The following NRSN1 variants were observed in gnomAD, a reference collection of about 807,000 sequenced individuals.
NRSN1 encodes the protein neurensin-1.
A neutral mutation model predicts 17.3 loss-of-function variants in NRSN1; 14 were observed. The ratio of observed to expected loss-of-function variants is 0.81; its 90% CI spans 0.54 to 1.27. The LOEUF is 1.27. Among genes scored for constraint, NRSN1 ranks in the 50% most tolerant of loss-of-function variants. The probability of loss-of-function intolerance (pLI) is 0.00; values close to 1 mark genes in which losing one functional copy is unlikely to be tolerated. For missense variants in NRSN1, 209 were observed against 235.9 expected, an observed-to-expected ratio of 0.89 and a Z score of 0.75; for synonymous variants, 79 against 94.2, an observed-to-expected ratio of 0.84 and a Z score of 0.93.
chr6:24,133,085 T>C (rs1237092933), intron 2 of NRSN1, among the ~76,000 whole-genome samples: 1 of 152,180 alleles, frequency 6.6e-6, no homozygotes, highest in Non-Finnish European at 1.5e-5. Flanking sequence ...TCCATATAAA[T>C]GCCTCTCTCT....
chr6:24,135,769 T>C (rs1760110056), intron 3 of NRSN1, among the ~76,000 whole-genome samples: 1 of 152,166 alleles, frequency 6.6e-6, no homozygotes, highest in African/African-American at 2.4e-5. Context: ...TACAAGGCAC[T>C]AGACTTCTGA....
At position 24,134,352 on chromosome 6, in the gene NRSN1, G is replaced by C; in HGVS notation, c.25G>C (p.Gly9Arg). 6.2e-7 allele frequency: 1 copy of C among 1,614,004 alleles called. No individual in the cohort carries two copies. The highest frequency in any genetic ancestry group is 2.2e-5 in the East Asian group (1 of 44,872). MSSCSNVC[G>R]SRQAQAAAEG... is the part of the protein sequence containing the mutation. ...GATGAGTTCTTGCAGCAACGTCTGTGGGTCCAGGCAGGCACAGGCTGCAGC... is the reference window on the plus strand; with the variant it reads ...GATGAGTTCTTGCAGCAACGTCTGTCGGTCCAGGCAGGCACAGGCTGCAGC... The change falls in exon 3 of 4, where the codon GGG (glycine) becomes CGG (arginine). Residue 9 changes from glycine (G) to arginine (R), a missense_variant. Gly to Arg is a moderately radical substitution (Grantham distance 125). Transcript: ENST00000378491.
At chr6:24,129,906 A>T (rs1390477484) in intron 2 of NRSN1, among the ~76,000 whole-genome samples, 1 of 152,198 alleles carries the variant, frequency 6.6e-6, no homozygotes, top group African/African-American at 2.4e-5. Flanking sequence ...CTTGTGCCCA[A>T]TCATCATGGC....
At chr6:24,139,929 AG>A (rs986359586) in intron 3 of NRSN1, among the ~76,000 whole-genome samples, 5 of 152,274 alleles carry the variant, frequency 3.3e-5, no homozygotes, top group African/African-American at 1.2e-4. Context: ...TCTCTAAAAA[AG>A]GTGGGAAGGG....
At chr6:24,137,456 T>C (rs1760133423) in intron 3 of NRSN1, among the ~76,000 whole-genome samples, 2 of 152,156 alleles carry the variant, frequency 1.3e-5, no homozygotes, top group African/African-American at 4.8e-5. Flanking sequence ...CTGAATAAGA[T>C]ATAGCCCTTG....
intron 3 of NRSN1, among the ~76,000 whole-genome samples, chr6:24,134,820 G>A (rs892216081): frequency 7.2e-5 from 11 of 152,058 alleles, no homozygotes; most frequent in Admixed American, 5.2e-4. Flanking sequence ...CCATCCATAG[G>A]CAAAACATTA....
chr6:24,132,312 A>G (rs776598415), intron 2 of NRSN1, among the ~76,000 whole-genome samples: 8 of 152,192 alleles, frequency 5.3e-5, no homozygotes, highest in Non-Finnish European at 1.2e-4. Context: ...CAATCAAACT[A>G]ACTGGCCACA....
intron 3 of NRSN1, among the ~76,000 whole-genome samples, chr6:24,138,552 G>T (rs768894405): frequency 1.3e-5 from 2 of 152,208 alleles, no homozygotes; most frequent in East Asian, 3.9e-4. Flanking sequence ...TCAGAAACCT[G>T]TACCAGCCTA....
rs550509352 is a variant in NRSN1 at position 24,143,256 on chromosome 6, C to T, written c.190-2292C>T. On this transcript the variant is annotated intron_variant, in intron 3 of 3. Coordinates refer to ENST00000378491, the MANE Select transcript of NRSN1 (RefSeq NM_080723.5). ...AGATGATCCACCCACCTTGGCCTCC[C>T]AAAGTGCTAAGATTACAGGCATGAG... Among the ~76,000 whole-genome samples the T allele has an allele frequency of 1.4e-4, 21 of 152,304 alleles. No homozygotes were observed. In the South Asian group the frequency reaches 4.4e-3, roughly 32 times the overall value.
intron 2 of NRSN1, among the ~76,000 whole-genome samples, chr6:24,132,566 C>G (rs1409052912): frequency 1.3e-5 from 2 of 152,142 alleles, no homozygotes; most frequent in Non-Finnish European, 2.9e-5. Flanking sequence ...TGGAAGAAGT[C>G]TGATTTATTT....
intron 3 of NRSN1, among the ~76,000 whole-genome samples, chr6:24,142,527 C>T (rs188027390): frequency 4.6e-5 from 7 of 152,094 alleles, no homozygotes; most frequent in Non-Finnish European, 8.8e-5. Flanking sequence ...AATGTGATCT[C>T]GGCTCACTGC....
At chr6:24,132,494 C>T (rs1167857581) in intron 2 of NRSN1, among the ~76,000 whole-genome samples, 1 of 152,264 alleles carries the variant, frequency 6.6e-6, no homozygotes, top group African/African-American at 2.4e-5. Context: ...TATGTTGTTC[C>T]CCACTTTGTC....
intron 3 of NRSN1, among the ~76,000 whole-genome samples, chr6:24,142,853 A>C (rs1262241522): frequency 1.3e-5 from 2 of 152,162 alleles, no homozygotes; most frequent in Non-Finnish European, 2.9e-5. Flanking sequence ...GTGGAAAGAG[A>C]CCAGAGCAGG....
chr6:24,140,321 A>G lies in NRSN1; in HGVS notation c.190-5227A>G, dbSNP rs185937913. 2.2e-3 allele frequency among the ~76,000 whole-genome samples: 335 copies of G among 152,300 alleles called. 3 individuals carry two copies. Among genetic ancestry groups the G allele is most frequent in the African/African-American group, 7.5e-3 (311 of 41,564 alleles). ...TTGAATGTGTTTATGCGCTGGAAGA[A>G]GGAATCTCTGTTAGGTGGAAGAGCT... On this transcript the variant is annotated intron_variant, in intron 3 of 3. Coordinates refer to ENST00000378491, the MANE Select transcript of NRSN1 (RefSeq NM_080723.5).
chr6:24,134,052 G>C (rs1760076988), intron 2 of NRSN1, among the ~76,000 whole-genome samples: 1 of 144,864 alleles, frequency 6.9e-6, no homozygotes, highest in Non-Finnish European at 1.5e-5. Context: ...TTTTAGTAGA[G>C]ACAGGGTTTC....
chr6:24,134,450 T>A lies in NRSN1; in HGVS notation c.123T>A (p.Ile41=), dbSNP rs981127433. 8 of 1,613,888 alleles carry A rather than the reference T, an allele frequency of 5.0e-6. No individual in the cohort carries two copies. Among genetic ancestry groups the A allele is most frequent in the Middle Eastern group, 1.6e-4 (1 of 6,062 alleles). The change falls in exon 3 of 4, where the codon ATT becomes ATA. Residue 41 remains isoleucine, a synonymous_variant. Transcript: ENST00000378491. ...HQFYEDCTAS[I]WEYEDDFQIQ... ...TTTATGAGGACTGTACAGCCTCAAT[T>A]TGGGAGTATGAGGATGATTTCCAGA...
At chr6:24,138,696 T>C (rs573409461) in intron 3 of NRSN1, among the ~76,000 whole-genome samples, 1 of 152,306 alleles carries the variant, frequency 6.6e-6, no homozygotes, top group East Asian at 1.9e-4. Context: ...CCAGGTTAAG[T>C]TCCTCCTATC....
chr6:24,138,159 A>G (rs1356998028), intron 3 of NRSN1, among the ~76,000 whole-genome samples: 1 of 152,098 alleles, frequency 6.6e-6, no homozygotes, highest in Non-Finnish European at 1.5e-5. Context: ...GGATGTCATA[A>G]TCAGGTATAA....
intron 2 of NRSN1, among the ~76,000 whole-genome samples, chr6:24,132,119 A>G (rs549971442): frequency 5.9e-5 from 9 of 152,214 alleles, no homozygotes; most frequent in Non-Finnish European, 1.3e-4. Flanking sequence ...CATCATTAAT[A>G]GCACCATTTT....
Sources: allele counts gnomAD v4.1 joint callset (sites outside exome capture counted in the v4.1 genomes callset), GRCh38; gene constraint gnomAD v4.1.1; transcripts MANE v1.5; gene names NCBI Gene and HGNC (gene_info 2026-07-23, HGNC 2026-07-21).